LRRC27: variants seen among roughly 807,000 people sequenced by gnomAD.
LRRC27 encodes leucine-rich repeat-containing protein 27.
In LRRC27, 57 loss-of-function variants were observed where a neutral mutation model predicts 55.0. The observed-to-expected ratio is 1.04, with a 90% CI of 0.84 to 1.29. The LOEUF (loss-of-function observed/expected upper bound fraction) is 1.29, where lower values mean the gene tolerates loss of function less well. LRRC27 is among the 50% of genes most tolerant of loss of function. The probability of loss-of-function intolerance (pLI) is 0.00; values close to 1 mark genes in which losing one functional copy is unlikely to be tolerated. For missense variants in LRRC27, 721 were observed against 651.5 expected (o/e 1.11, Z -1.16); for synonymous variants, 278 against 251.9 (o/e 1.10, Z -0.98).
At chr10:132,352,490 C>CAGG in intron 7 of LRRC27, among the ~76,000 whole-genome samples, 2 of 83,556 alleles carry the variant, frequency 2.4e-5, no homozygotes, top group African/African-American at 9.9e-5. Flanking sequence ...GGGGCAGGCG[C>CAGG]TGAGGCCTCC....
chr10:132,343,323 AAAC>A (rs995920661), intron 4 of LRRC27, among the ~76,000 whole-genome samples: 4 of 152,278 alleles, frequency 2.6e-5, no homozygotes, highest in African/African-American at 7.2e-5. Flanking sequence ...TCTAAAAACA[AAAC>A]AACAACAACA....
intron 7 of LRRC27, among the ~76,000 whole-genome samples, chr10:132,353,722 G>A (rs2068175455): frequency 6.6e-6 from 1 of 152,168 alleles, no homozygotes; most frequent in Non-Finnish European, 1.5e-5. Context: ...GGGGCCCAGG[G>A]AGCACCGGGA....
At chr10:132,336,335 G>A (rs1285885392) in intron 2 of LRRC27, among the ~76,000 whole-genome samples, 6 of 152,204 alleles carry the variant, frequency 3.9e-5, no homozygotes, top group Admixed American at 6.5e-5. Flanking sequence ...ATACGTGGGG[G>A]CACACACTGT....
intron 3 of LRRC27, 73 bp from the exon 4 acceptor site, chr10:132,342,140 C>T (rs183335630): frequency 2.1e-6 from 2 of 941,406 alleles, no homozygotes; most frequent in African/African-American, 3.4e-5. Context: ...AATGAAGAAA[C>T]TTGATGGTAT....
upstream of LRRC27, chr10:132,330,441 G>T (rs2066635076): frequency 1.4e-6 from 1 of 717,128 alleles, no homozygotes; most frequent in Non-Finnish European, 2.6e-6. Flanking sequence ...CGGGTGGCTG[G>T]CCTCCCCACG....
At chr10:132,366,729 GC>G in intron 10 of LRRC27, 1 of 769,684 alleles carries the variant, frequency 1.3e-6, no homozygotes, top group Non-Finnish European at 1.7e-6. Context: ...CTGCATCGGG[GC>G]TGCCCCCAGA....
Position 132,375,812 on chromosome 10 carries a change from C to T in LRRC27, c.*570C>T. On this transcript the variant is annotated 3_prime_UTR_variant, in exon 11 of 11. Transcript: ENST00000368614. ...ACGGGGCCCTCCTTTCAGCCTTGAC[C>T]CCTTCCTGGTTGCTACCACTCAGGC... 6.5e-6 allele frequency: 1 copy of T among 152,714 alleles called. No homozygotes were observed. The highest frequency in any genetic ancestry group is 1.5e-5 in the Non-Finnish European group (1 of 68,372). 9.5% of individuals were successfully genotyped at this position (152,714 alleles called of 1,614,324 possible).
At chr10:132,369,104 A>G (rs947690821) in intron 10 of LRRC27, among the ~76,000 whole-genome samples, 1 of 152,222 alleles carries the variant, frequency 6.6e-6, no homozygotes, top group African/African-American at 2.4e-5. Flanking sequence ...CCATCAAAAA[A>G]TCCAAAACAC....
chr10:132,331,329 G>GTGCACGGGACTCCAGGGT (rs2066720921), upstream of LRRC27: 1 of 1,109,600 alleles, frequency 9.0e-7, no homozygotes, highest in African/African-American at 1.6e-5. Flanking sequence ...TGGAATGAAG[G>GTGCACGGGACTCCAGGGT]TGCACGGGAC....
At chr10:132,334,870 A>G (rs1165205641) in intron 2 of LRRC27, among the ~76,000 whole-genome samples, 1 of 152,238 alleles carries the variant, frequency 6.6e-6, no homozygotes, top group Non-Finnish European at 1.5e-5. Flanking sequence ...AAGAAACTTG[A>G]TAACTGTTTA....
intron 2 of LRRC27, chr10:132,337,316 A>G: frequency 7.7e-7 from 1 of 1,306,714 alleles, no homozygotes; most frequent in African/African-American, 1.5e-5. Context: ...GGTCAGCAGC[A>G]GAGTGCCGGC....
At chr10:132,356,829 G>A (rs2068333994) in intron 8 of LRRC27, among the ~76,000 whole-genome samples, 1 of 152,270 alleles carries the variant, frequency 6.6e-6, no homozygotes, top group Non-Finnish European at 1.5e-5. Context: ...TCTGTCCTGT[G>A]AGCATAGTCA....
intron 7 of LRRC27, among the ~76,000 whole-genome samples, chr10:132,354,134 C>A (rs926989628): frequency 6.6e-6 from 1 of 152,240 alleles, no homozygotes; most frequent in African/African-American, 2.4e-5. Context: ...GCACCACCAG[C>A]TGCAGGGGGC....
intron 8 of LRRC27, among the ~76,000 whole-genome samples, chr10:132,356,143 C>T (rs1225990849): frequency 2.0e-5 from 3 of 152,208 alleles, no homozygotes; most frequent in Admixed American, 2.0e-4. Context: ...CAGCTTCCCA[C>T]CCCAGCCTTG....
chr10:132,336,491 A>T (rs1056787965), intron 2 of LRRC27, among the ~76,000 whole-genome samples: 2 of 152,204 alleles, frequency 1.3e-5, no homozygotes, highest in Non-Finnish European at 2.9e-5. Context: ...CTCCAGTTGG[A>T]ATCTGTCAGT....
Position 132,348,204 on chromosome 10 carries a change from G to A in LRRC27, c.774G>A (p.Glu258=), listed in dbSNP as rs994616181. 3 of 1,613,978 alleles carry A rather than the reference G, an allele frequency of 1.9e-6. No individual in the cohort carries two copies. Among genetic ancestry groups the A allele is most frequent in the African/African-American group, 2.7e-5 (2 of 74,932 alleles). The part of the protein sequence containing the change: ...DSSENWPSEE[E]IRRFWKLRQE... ...CAGAGAACTGGCCCAGCGAGGAGGA[G>A]ATCAGGCGCTTTTGGAAGCTGAGGC... The change falls in exon 6 of 11, where the codon GAG becomes GAA. Residue 258 remains glutamate (E), a synonymous_variant. Transcript: ENST00000368614. The surrounding 1 kb of genome is among the most constrained non-coding windows in gnomAD (Gnocchi z 4.2).
At chr10:132,330,210 A>C, upstream of LRRC27, 1 of 527,476 alleles carries the variant, frequency 1.9e-6, no homozygotes, top group Non-Finnish European at 3.4e-6. Flanking sequence ...TTAACTACTG[A>C]CTACAAAAAT....
chr10:132,375,316 T>C lies in LRRC27; in HGVS notation c.*74T>C. Reference sequence around the variant, plus strand: ...GTCTTCTTTCCCGGGCGTCGCCTCCTGTGTGGTGCCGGAAGAGCGCCAGGT... The same window carrying C: ...GTCTTCTTTCCCGGGCGTCGCCTCCCGTGTGGTGCCGGAAGAGCGCCAGGT... On this transcript the variant is annotated 3_prime_UTR_variant, in exon 11 of 11. Transcript: ENST00000368614. 2.8e-6 allele frequency: 4 copies of C among 1,419,818 alleles called. No individual in the cohort carries two copies. Among genetic ancestry groups the C allele is most frequent in the Non-Finnish European group, 3.8e-6 (4 of 1,042,948 alleles). 88.0% of individuals were successfully genotyped at this position (1,419,818 alleles called of 1,614,324 possible). A position where few individuals can be genotyped will look rare whatever the true frequency, so the allele number is the denominator to read the frequency against.
At position 132,352,862 on chromosome 10, in the gene LRRC27, C is replaced by G. The variant is rs780388565; in HGVS notation, c.1073+1109C>G. The G allele has an allele frequency of 9.3e-6, 15 of 1,613,360 alleles. No individual in the cohort carries two copies. In the Admixed American group the frequency reaches 1.5e-4, roughly 16 times the overall value. ...TGCCTGCTTTCTTGTTCTTTTCCCT[C>G]ATTTCTTGTTCTTCCTCAGTCCTTT... On this transcript the variant is annotated intron_variant, in intron 7 of 10. Transcript: ENST00000368614.
Sources: gnomAD v4.1 joint callset for allele counts (sites outside exome capture counted in the v4.1 genomes callset) on GRCh38, gnomAD v4.1.1 for gene constraint, Gnocchi (gnomAD v3.1) non-coding constraint, MANE v1.5 for transcripts, NCBI Gene and HGNC (gene_info 2026-07-23, HGNC 2026-07-21) for gene names.